FGGY: variants seen among roughly 807,000 people sequenced by gnomAD.
FGGY encodes FGGY carbohydrate kinase domain containing, also known as FGGY carbohydrate kinase domain-containing protein.
A neutral mutation model predicts 71.3 loss-of-function variants in FGGY; 72 were observed. The ratio of observed to expected loss-of-function variants is 1.01; its 90% confidence interval spans 0.84 to 1.23. The LOEUF is 1.23. FGGY is among the 50% of genes most tolerant of loss of function. FGGY has a pLI of 0.00. For missense variants in FGGY, 668 were observed against 682.3 expected (o/e 0.98, Z 0.23); for synonymous variants, 251 against 250.3 (o/e 1.00, Z -0.02).
intron 6 of FGGY, among the ~76,000 whole-genome samples, chr1:59,470,659 G>A (rs774282631): frequency 6.6e-6 from 1 of 152,190 alleles, no homozygotes; most frequent in African/African-American, 2.4e-5. Context: ...AAACCATAGA[G>A]GTTTCCACCA....
chr1:59,380,973 G>T (rs1299862019), intron 5 of FGGY, among the ~76,000 whole-genome samples: 1 of 152,104 alleles, frequency 6.6e-6, no homozygotes, highest in Non-Finnish European at 1.5e-5. Flanking sequence ...TTTGTATAGG[G>T]TGTAAGGAAG....
At chr1:59,629,130 G>A (rs572425561) in intron 10 of FGGY, among the ~76,000 whole-genome samples, 131 of 152,030 alleles carry the variant, frequency 8.6e-4, no homozygotes, top group South Asian at 3.5e-3. Context: ...ACGAGTTAAC[G>A]GGTGCAGCAA....
At chr1:59,417,184 GAC>G (rs1322528357) in intron 5 of FGGY, among the ~76,000 whole-genome samples, 1 of 152,058 alleles carries the variant, frequency 6.6e-6, no homozygotes, top group African/African-American at 2.4e-5. Flanking sequence ...GATTTTCCTG[GAC>G]ATTTTGTTTG....
At chr1:59,400,833 G>A (rs543635464) in intron 5 of FGGY, among the ~76,000 whole-genome samples, 17 of 152,016 alleles carry the variant, frequency 1.1e-4, no homozygotes, top group African/African-American at 3.4e-4. Context: ...GTGCAGTGGC[G>A]TGATCATGGC....
chr1:59,549,254 A>G (rs72666235), intron 7 of FGGY, among the ~76,000 whole-genome samples: 1 of 152,332 alleles, frequency 6.6e-6, no homozygotes, highest in Non-Finnish European at 1.5e-5. Flanking sequence ...TTTGGCAAGA[A>G]ACTCACTGGA....
intron 8 of FGGY, among the ~76,000 whole-genome samples, chr1:59,604,956 C>A (rs1462287617): frequency 1.3e-5 from 2 of 152,202 alleles, no homozygotes; most frequent in African/African-American, 4.8e-5. Context: ...AAAATTTTCA[C>A]TGGGCAAAGA....
intron 5 of FGGY, among the ~76,000 whole-genome samples, chr1:59,400,501 G>A (rs887598375): frequency 1.3e-5 from 2 of 150,410 alleles, no homozygotes; most frequent in Non-Finnish European, 3.0e-5. Context: ...TAAGCACAAA[G>A]TACGTTTTGA....
intron 1 of FGGY, among the ~76,000 whole-genome samples, chr1:59,314,219 C>A (rs896886364): frequency 6.6e-6 from 1 of 152,154 alleles, no homozygotes; most frequent in African/African-American, 2.4e-5. Flanking sequence ...CCCGTCTTGG[C>A]CTCCCAAAGT....
intron 7 of FGGY, among the ~76,000 whole-genome samples, chr1:59,536,510 G>A (rs1300737563): frequency 1.3e-5 from 2 of 152,132 alleles, no homozygotes; most frequent in Non-Finnish European, 2.9e-5. Flanking sequence ...ACCAAAGCCA[G>A]GCAGAGACAC....
chr1:59,560,448 G>A (rs1456369817), intron 8 of FGGY, among the ~76,000 whole-genome samples: 1 of 152,156 alleles, frequency 6.6e-6, no homozygotes, highest in East Asian at 1.9e-4. Context: ...ATGGTCTTCA[G>A]TTCATGATAA....
intron 14 of FGGY, among the ~76,000 whole-genome samples, chr1:59,742,244 T>C (rs2098156497): frequency 6.6e-6 from 1 of 152,226 alleles, no homozygotes; most frequent in Non-Finnish European, 1.5e-5. Context: ...CTAAGGCAGA[T>C]CTTCCTTCCG....
At position 59,383,774 on chromosome 1, in the gene FGGY, A is replaced by G. The variant is rs533095879; in HGVS notation, c.554+4937A>G. On this transcript the variant is annotated intron_variant, in intron 5 of 15. Transcript: ENST00000303721. ...CCAATTGTCAATCAGAAAATTTTTA[A>G]ATCTACCTACGATCTGGAAGCCCCT... Among the ~76,000 whole-genome samples, 23 of 152,226 alleles carry G rather than the reference A, an allele frequency of 1.5e-4. No individual in the cohort carries two copies. The East Asian group carries it at 4.3e-3, about 28-fold the overall frequency.
At chr1:59,337,623 G>T (rs1441912310) in intron 2 of FGGY, among the ~76,000 whole-genome samples, 1 of 152,110 alleles carries the variant, frequency 6.6e-6, no homozygotes, top group Non-Finnish European at 1.5e-5. Context: ...ATGCTATTGT[G>T]AATGGGATTA....
chr1:59,723,563 T>TTGG (rs1553431126), intron 14 of FGGY, among the ~76,000 whole-genome samples: 20 of 129,054 alleles, frequency 1.5e-4, no homozygotes, highest in African/African-American at 5.8e-4. Context: ...TGTTTTTTTT[T>TTGG]GGGGGGGGGT....
At chr1:59,376,279 C>G (rs2058652151) in intron 4 of FGGY, among the ~76,000 whole-genome samples, 1 of 152,104 alleles carries the variant, frequency 6.6e-6, no homozygotes, top group South Asian at 2.1e-4. Flanking sequence ...TAGGGCAGGT[C>G]CCTTTCTAGA....
At chr1:59,438,519 G>T (rs925346570) in intron 5 of FGGY, among the ~76,000 whole-genome samples, 1 of 152,160 alleles carries the variant, frequency 6.6e-6, no homozygotes. Flanking sequence ...GATACCTATT[G>T]TGACAACTTT....
At chr1:59,351,158 T>A (rs1370531131) in intron 4 of FGGY, among the ~76,000 whole-genome samples, 1 of 152,248 alleles carries the variant, frequency 6.6e-6, no homozygotes, top group African/African-American at 2.4e-5. Flanking sequence ...CATCCATTTA[T>A]GTGTTGTTTA....
chr1:59,371,261 T>G (rs1230831004), intron 4 of FGGY, among the ~76,000 whole-genome samples: 1 of 151,924 alleles, frequency 6.6e-6, no homozygotes, highest in Non-Finnish European at 1.5e-5. Flanking sequence ...GCAATCCTAG[T>G]CTCTGATAAA....
intron 8 of FGGY, among the ~76,000 whole-genome samples, chr1:59,557,049 C>A (rs1436965585): frequency 2.0e-5 from 3 of 152,120 alleles, no homozygotes; most frequent in African/African-American, 7.2e-5. Context: ...TGTGGTCATG[C>A]TGGCATGGGA....
Sources: gnomAD v4.1 joint callset for allele counts (sites outside exome capture counted in the v4.1 genomes callset) on GRCh38, gnomAD v4.1.1 for gene constraint, MANE v1.5 for transcripts, NCBI Gene and HGNC (gene_info 2026-07-23, HGNC 2026-07-21) for gene names.